L1TD1: variants seen among roughly 807,000 people sequenced by gnomAD.
The protein encoded by L1TD1 is LINE-1 type transposase domain-containing protein 1.
A neutral mutation model predicts 25.7 loss-of-function variants in L1TD1; 26 were observed. That is an observed-to-expected ratio of 1.01 (90% CI 0.74 to 1.40). The LOEUF (loss-of-function observed/expected upper bound fraction) is 1.40, where lower values mean the gene tolerates loss of function less well. Ranked by LOEUF, L1TD1 falls within the 40% of genes most tolerant of loss-of-function variation. L1TD1 has a pLI of 0.00. For missense variants in L1TD1, 1,130 were observed against 975.0 expected (o/e 1.16, Z -2.12); for synonymous variants, 421 against 335.6 (o/e 1.25, Z -2.78).
At chr1:62,198,674 A>T (rs1670588802) in intron 2 of L1TD1, among the ~76,000 whole-genome samples, 1 of 152,038 alleles carries the variant, frequency 6.6e-6, no homozygotes, top group South Asian at 2.1e-4. Flanking sequence ...CCCTAAAATT[A>T]AAGGAAGTTT....
rs2149102788 is a variant in L1TD1 at position 62,210,591 on chromosome 1, A to C, written c.1817A>C (p.Glu606Ala). 1 of 1,612,184 alleles carries C rather than the reference A, an allele frequency of 6.2e-7. No individual in the cohort carries two copies. The highest frequency in any genetic ancestry group is 2.2e-5 in the East Asian group (1 of 44,820). ...CACACAGAAGAACTAACATCCAAAG[A>C]AGCAGACTTAACAGAGGAAACAGAA... ...TLHTEELTSK[E>A]ADLTEETEEN... is the part of the protein sequence containing the mutation. The change falls in exon 4 of 4, where the codon GAA becomes GCA. Residue 606 changes from glutamate (E) to alanine (A), a missense_variant. By Grantham distance (107) the Glu-to-Ala change is moderately radical. Transcript: ENST00000498273.
rs538307864 is a variant in L1TD1, at chr1:62,206,573, C to A, written c.-56C>A. The A allele has an allele frequency of 8.7e-6, 12 of 1,387,094 alleles. No homozygotes were observed. The highest frequency in any genetic ancestry group is 2.6e-5 in the East Asian group (1 of 38,496). 85.9% of individuals were successfully genotyped at this position (1,387,094 alleles called of 1,614,324 possible). A position where few individuals can be genotyped will look rare whatever the true frequency, so the allele number is the denominator to read the frequency against. ...CTGAAGTCTAGCAGGCCTGTAAGAA[C>A]AAAAATCATTCTGTAGGAATTAAAA... is the stretch of plus-strand genomic sequence containing the variant. On this transcript the variant is annotated 5_prime_UTR_variant, in exon 3 of 4. Coordinates refer to ENST00000498273, the MANE Select transcript of L1TD1 (RefSeq NM_019079.5).
chr1:62,201,898 A>G (rs1670646512), intron 2 of L1TD1, among the ~76,000 whole-genome samples: 1 of 152,146 alleles, frequency 6.6e-6, no homozygotes, highest in Non-Finnish European at 1.5e-5. Context: ...TTCCTGTTGA[A>G]GTCCTGTATA....
At chr1:62,208,059 A>G (rs1397099312) in intron 3 of L1TD1, 2 of 154,968 alleles carry the variant, frequency 1.3e-5, no homozygotes, top group East Asian at 1.9e-4. Flanking sequence ...GCATGATATT[A>G]AAAGTAATGA....
At chr1:62,199,496 A>G (rs565464514) in intron 2 of L1TD1, among the ~76,000 whole-genome samples, 139 of 136,210 alleles carry the variant, frequency 1.0e-3, no homozygotes, top group Middle Eastern at 7.0e-3. Flanking sequence ...AGACTCTTGT[A>G]TCAAAAAAAA....
intron 2 of L1TD1, among the ~76,000 whole-genome samples, chr1:62,200,963 C>T (rs965550128): frequency 6.6e-6 from 1 of 151,516 alleles, no homozygotes; most frequent in African/African-American, 2.4e-5. Flanking sequence ...GAGTCTTGCT[C>T]GCTCTGTTGC....
chr1:62,203,017 T>C (rs972137092), intron 2 of L1TD1, among the ~76,000 whole-genome samples: 3 of 152,082 alleles, frequency 2.0e-5, no homozygotes. Flanking sequence ...AGATGAGGTC[T>C]CACTGCATTG....
chr1:62,205,443 A>ATTTTTTTTTTTTTTTTTTTTTT (rs1261055805), intron 2 of L1TD1, among the ~76,000 whole-genome samples: 14 of 63,638 alleles, frequency 2.2e-4, no homozygotes, highest in South Asian at 6.1e-4. Flanking sequence ...ATATATATAT[A>ATTTTTTTTTTTTTTTTTTTTTT]TTTTTTTTTA....
At chr1:62,205,322 G>GA (rs1239574089) in intron 2 of L1TD1, among the ~76,000 whole-genome samples, 1 of 144,834 alleles carries the variant, frequency 6.9e-6, no homozygotes. Context: ...TGGGTGACAA[G>GA]AACAAGACTG....
rs1670828485 is a variant in L1TD1 at position 62,209,991 on chromosome 1, A to G, written c.1217A>G (p.Glu406Gly). The change falls in exon 4 of 4, where the codon GAG (glutamate) becomes GGG (glycine). Residue 406 changes from glutamate to glycine, a missense_variant. Coordinates refer to ENST00000498273, the MANE Select transcript of L1TD1 (RefSeq NM_019079.5). The part of the protein sequence containing the change: ...DDEDTSGLEE[E>G]EEEPSGLEEE... ...GAAGATACCTCAGGGCTGGAGGAGG[A>G]GGAGGAAGAGCCCTCAGGGCTGGAG... 2.0e-6 allele frequency: 3 copies of G among 1,470,834 alleles called. No individual in the cohort carries two copies. The highest frequency in any genetic ancestry group is 3.1e-5 in the African/African-American group (2 of 64,464). The allele number at this position is 1,470,834 out of a possible 1,614,324, so 91.1% of individuals were successfully genotyped here.
At chr1:62,198,615 G>A (rs1670588086) in intron 2 of L1TD1, among the ~76,000 whole-genome samples, 1 of 151,526 alleles carries the variant, frequency 6.6e-6, no homozygotes, top group Admixed American at 6.6e-5. Context: ...CATATGAAAA[G>A]ATGGCAGTCA....
chr1:62,211,351 A>C lies in L1TD1; in HGVS notation c.2577A>C (p.Leu859Phe). 1 of 1,607,504 alleles carries C rather than the reference A, an allele frequency of 6.2e-7. No homozygotes were observed. Among genetic ancestry groups the C allele is most frequent in the Non-Finnish European group, 8.5e-7 (1 of 1,177,014 alleles). Residue 859 changes from leucine (L) to phenylalanine (F), a missense_variant, in exon 4 of 4, where the codon TTA (leucine) becomes TTC (phenylalanine). Transcript: ENST00000498273. ...TGCATATGCCCACCTTGAGAGAATT[A>C]CTGGGGAATAATATACCTTAGCACG... ...YVLHMPTLRE[L>F]LGNNIP
rs11207936 is a variant in L1TD1 at position 62,212,051 on chromosome 1, T to G, written c.*679T>G. 6.6e-6 allele frequency: 1 copy of G among 152,080 alleles called. No individual in the cohort carries two copies. Among genetic ancestry groups the G allele is most frequent in the South Asian group, 2.1e-4 (1 of 4,812 alleles). The allele number at this position is 152,080 out of a possible 1,614,324, so 9.4% of individuals were successfully genotyped here. ...TGCACCTGTCAAGATAACCTGTCAA[T>G]GTAGTAGGAAAACAGGAGGGGACAG... On this transcript the variant is annotated 3_prime_UTR_variant, in exon 4 of 4. Coordinates refer to ENST00000498273, the MANE Select transcript of L1TD1 (RefSeq NM_019079.5).
intron 1 of L1TD1, among the ~76,000 whole-genome samples, chr1:62,195,506 C>T (rs1486286564): frequency 6.6e-6 from 1 of 152,250 alleles, no homozygotes; most frequent in Non-Finnish European, 1.5e-5. Flanking sequence ...GTAATCCCAG[C>T]ACTTTGGGAA....
At chr1:62,201,460 C>A (rs1339796299) in intron 2 of L1TD1, among the ~76,000 whole-genome samples, 4 of 146,064 alleles carry the variant, frequency 2.7e-5, no homozygotes, top group Non-Finnish European at 6.0e-5. Context: ...GGTGCCACTG[C>A]ACTCCAACCT....
rs758340016 is a variant in L1TD1, at chr1:62,210,487, G to A, written c.1713G>A (p.Lys571=). 1.1e-5 allele frequency: 17 copies of A among 1,614,062 alleles called. No individual in the cohort carries two copies. Among genetic ancestry groups the A allele is most frequent in the Admixed American group, 6.7e-5 (4 of 59,984 alleles). Residue 571 remains lysine, a synonymous_variant, in exon 4 of 4, where the codon AAG becomes AAA. Transcript: ENST00000498273. ...SLEMSHDEHK[K]HSHTNLSIST... is the part of the protein sequence containing the mutation. ...AGATGAGTCATGATGAGCATAAAAA[G>A]CATTCACATACAAATTTGAGTATTT...
intron 2 of L1TD1, among the ~76,000 whole-genome samples, chr1:62,197,082 CTACTT>C (rs1271110724): frequency 1.3e-5 from 2 of 151,968 alleles, no homozygotes; most frequent in Non-Finnish European, 2.9e-5. Context: ...TGCATTCTCA[CTACTT>C]CAAGATTAAA....
intron 2 of L1TD1, among the ~76,000 whole-genome samples, chr1:62,197,799 C>T (rs1406126265): frequency 2.0e-5 from 3 of 152,052 alleles, no homozygotes; most frequent in African/African-American, 7.2e-5. Context: ...TCACTTGAAC[C>T]TGGGAAGCGG....
Position 62,210,860 on chromosome 1 carries a change from A to C in L1TD1, c.2086A>C (p.Arg696=). Residue 696 remains arginine (R), a synonymous_variant, in exon 4 of 4, where the codon AGA becomes CGA. Coordinates refer to ENST00000498273, the MANE Select transcript of L1TD1 (RefSeq NM_019079.5). ...SKERQRDIEE[R]SRSCNIRLIG... is the part of the protein sequence containing the mutation. ...AGAAAGGCAAAGAGATATAGAGGAG[A>C]GATCTAGAAGTTGCAACATTCGTTT... 6.4e-7 allele frequency: 1 copy of C among 1,551,324 alleles called. No individual in the cohort carries two copies. Among genetic ancestry groups the C allele is most frequent in the Non-Finnish European group, 8.7e-7 (1 of 1,146,900 alleles).
Sources: allele counts gnomAD v4.1 joint callset (sites outside exome capture counted in the v4.1 genomes callset), GRCh38; gene constraint gnomAD v4.1.1; transcripts MANE v1.5; gene names NCBI Gene and HGNC (gene_info 2026-07-23, HGNC 2026-07-21).